CATSPERE: variants seen among roughly 807,000 people sequenced by gnomAD.
The protein encoded by CATSPERE is catsper channel auxiliary subunit epsilon.
In CATSPERE, 93 loss-of-function variants were observed where a neutral mutation model predicts 114.1. That is an observed-to-expected ratio of 0.81 (90% CI 0.69 to 0.97). The LOEUF is 0.97. Among genes scored for constraint, CATSPERE ranks in the 50% least tolerant of loss-of-function variants. The probability of loss-of-function intolerance (pLI) is 0.00; values close to 1 mark genes in which losing one functional copy is unlikely to be tolerated. For missense variants in CATSPERE, 1,058 were observed against 1,131.6 expected (o/e 0.93, Z 0.93); for synonymous variants, 341 against 384.1 (o/e 0.89, Z 1.31).
chr1:244,587,851 G>A (rs909821732), intron 13 of CATSPERE, among the ~76,000 whole-genome samples: 1 of 152,208 alleles, frequency 6.6e-6, no homozygotes, highest in Non-Finnish European at 1.5e-5. Flanking sequence ...AGTCAGAGGT[G>A]CAAACTGGAA....
At chr1:244,615,949 CTAA>C (rs1441477373) in intron 19 of CATSPERE, among the ~76,000 whole-genome samples, 35 of 49,948 alleles carry the variant, frequency 7.0e-4, no homozygotes, top group African/African-American at 2.9e-3. Context: ...CCCCCATCTC[CTAA>C]AAAAAAAAAA....
intron 15 of CATSPERE, among the ~76,000 whole-genome samples, chr1:244,592,233 A>C (rs1667823817): frequency 6.6e-6 from 1 of 152,104 alleles, no homozygotes; most frequent in South Asian, 2.1e-4. Flanking sequence ...ATTCTACAAG[A>C]CTGTAGTTCA....
intron 8 of CATSPERE, among the ~76,000 whole-genome samples, chr1:244,540,594 G>C (rs1658512469): frequency 6.7e-6 from 1 of 149,424 alleles, no homozygotes; most frequent in South Asian, 2.2e-4. Flanking sequence ...GTAATTTATA[G>C]ATTCAGGTGC....
Position 244,620,940 on chromosome 1 carries a change from G to A in CATSPERE, c.2648+3254G>A, listed in dbSNP as rs889794054. The stretch of plus-strand genomic sequence containing the variant: ...AGATCAGAGAACCTAAGGCTTTGAA[G>A]GGCAAAATCCTTAGGGAAGATGGCA... On this transcript the variant is annotated intron_variant, in intron 20 of 21. Transcript: ENST00000366534. 1.5e-4 allele frequency among the ~76,000 whole-genome samples: 22 copies of A among 146,066 alleles called. No individual in the cohort carries two copies. The Admixed American group carries it at 1.6e-3, about 11-fold the overall frequency.
At chr1:244,476,630 A>C (rs1473004982) in intron 2 of CATSPERE, among the ~76,000 whole-genome samples, 1 of 152,212 alleles carries the variant, frequency 6.6e-6, no homozygotes, top group Non-Finnish European at 1.5e-5. Context: ...CAATCTTCAT[A>C]TATTATGTAT....
At chr1:244,512,680 T>C (rs956570522) in intron 7 of CATSPERE, among the ~76,000 whole-genome samples, 5 of 152,240 alleles carry the variant, frequency 3.3e-5, no homozygotes, top group African/African-American at 7.2e-5. Context: ...TTGGTATCTG[T>C]GCATCTGGTA....
intron 6 of CATSPERE, among the ~76,000 whole-genome samples, chr1:244,492,271 G>A (rs1672314323): frequency 6.6e-6 from 1 of 152,102 alleles, no homozygotes; most frequent in Non-Finnish European, 1.5e-5. Flanking sequence ...TCATCCCTGG[G>A]ATGCAAGGCT....
In CATSPERE at chr1:244,559,149, A is replaced by G. The variant is rs75566455; in HGVS notation, c.1030-1519A>G. 4.8e-3 allele frequency among the ~76,000 whole-genome samples: 736 copies of G among 152,246 alleles called. 6 individuals carry two copies. The highest frequency in any genetic ancestry group is 0.017 in the African/African-American group (704 of 41,544). ...CTGGGAATCCTTGGAATTCTTATCT[A>G]TCGTGTTTATGACGTGTTCCTCTTC... On this transcript the variant is annotated intron_variant, in intron 9 of 21. Coordinates refer to ENST00000366534, the MANE Select transcript of CATSPERE (RefSeq NM_001130957.2).
chr1:244,517,648 C>G (rs1345337049), intron 7 of CATSPERE, among the ~76,000 whole-genome samples: 1 of 151,674 alleles, frequency 6.6e-6, no homozygotes, highest in Non-Finnish European at 1.5e-5. Context: ...TGGTGCATGC[C>G]TATAATCTCA....
At chr1:244,582,095 A>G (rs1017023237) in intron 12 of CATSPERE, among the ~76,000 whole-genome samples, 1 of 152,216 alleles carries the variant, frequency 6.6e-6, no homozygotes, top group South Asian at 2.1e-4. Context: ...TGAAGATGCA[A>G]AAAAAGGGCT....
intron 8 of CATSPERE, among the ~76,000 whole-genome samples, chr1:244,525,191 G>A (rs1455840139): frequency 2.7e-5 from 4 of 150,632 alleles, no homozygotes; most frequent in African/African-American, 9.9e-5. Flanking sequence ...CCTTTGTAGG[G>A]ACATGGATGA....
chr1:244,554,521 C>A (rs146360521), intron 9 of CATSPERE, among the ~76,000 whole-genome samples: 237 of 152,126 alleles, frequency 1.6e-3, no homozygotes, highest in African/African-American at 5.1e-3. Context: ...GAGACCCCAT[C>A]TCTAAAAATA....
At chr1:244,483,085 T>A (rs898116187) in intron 5 of CATSPERE, among the ~76,000 whole-genome samples, 1 of 152,216 alleles carries the variant, frequency 6.6e-6, no homozygotes, top group Non-Finnish European at 1.5e-5. Flanking sequence ...GATGCATTTA[T>A]TTGCAACTAC....
chr1:244,632,225 C>G (rs1674036475), intron 20 of CATSPERE, among the ~76,000 whole-genome samples: 1 of 151,976 alleles, frequency 6.6e-6, no homozygotes, highest in Non-Finnish European at 1.5e-5. Context: ...GAAACCCCGT[C>G]TCTGCTAAAA....
At chr1:244,620,026 A>G (rs1671892989) in intron 20 of CATSPERE, among the ~76,000 whole-genome samples, 1 of 152,214 alleles carries the variant, frequency 6.6e-6, no homozygotes. Flanking sequence ...TTATTCATTA[A>G]CCTAAGTCAA....
chr1:244,475,049 G>T (rs1249623493), intron 2 of CATSPERE, among the ~76,000 whole-genome samples: 1 of 151,672 alleles, frequency 6.6e-6, no homozygotes, highest in Non-Finnish European at 1.5e-5. Flanking sequence ...GTGTTTATTA[G>T]GAAATTTAAA....
chr1:244,476,162 G>A (rs890904538), intron 2 of CATSPERE, among the ~76,000 whole-genome samples: 19 of 151,978 alleles, frequency 1.3e-4, no homozygotes, highest in Non-Finnish European at 2.2e-4. Flanking sequence ...TTTAGGGGCC[G>A]GGTACAGTGG....
At chr1:244,474,735 TTC>T (rs1249134734) in intron 2 of CATSPERE, among the ~76,000 whole-genome samples, 1 of 147,216 alleles carries the variant, frequency 6.8e-6, no homozygotes, top group Non-Finnish European at 1.5e-5. Flanking sequence ...TTTTTTCTTC[TTC>T]TTTTTTTTTT....
At chr1:244,557,542 T>C (rs1572737387) in intron 9 of CATSPERE, among the ~76,000 whole-genome samples, 1 of 31,382 alleles carries the variant, frequency 3.2e-5, no homozygotes, top group Admixed American at 3.2e-4. Context: ...CATATATATA[T>C]ATATATATAT....
Sources: allele counts gnomAD v4.1 joint callset (sites outside exome capture counted in the v4.1 genomes callset), GRCh38; gene constraint gnomAD v4.1.1; transcripts MANE v1.5; gene names NCBI Gene and HGNC (gene_info 2026-07-23, HGNC 2026-07-21).